Variants in CDH4 observed in about 807,000 individuals in gnomAD.
The protein encoded by CDH4 is cadherin-4.
A neutral mutation model predicts 86.0 loss-of-function variants in CDH4; 33 were observed. The ratio of observed to expected loss-of-function variants is 0.38; its 90% CI spans 0.29 to 0.51. CDH4 has a LOEUF of 0.51. CDH4 is among the 20% of genes least tolerant of loss of function. CDH4 has a pLI of 0.86. For missense variants in CDH4, 1,114 were observed against 1,307.4 expected (o/e 0.85, Z 2.28); for synonymous variants, 555 against 549.4 (o/e 1.01, Z -0.14).
At chr20:61,840,887 C>A (rs923512088) in intron 4 of CDH4, among the ~76,000 whole-genome samples, 5 of 152,176 alleles carry the variant, frequency 3.3e-5, no homozygotes, top group Non-Finnish European at 5.9e-5. Context: ...TCAGAGGCGG[C>A]CAAACGGGCC....
At chr20:61,443,816 CTG>C (rs948411019) in intron 2 of CDH4, among the ~76,000 whole-genome samples, 1 of 151,080 alleles carries the variant, frequency 6.6e-6, no homozygotes, top group African/African-American at 2.4e-5. Flanking sequence ...TGTGGTGTGT[CTG>C]TGTATCTGTC....
chr20:61,698,522 C>T (rs1600887133), intron 2 of CDH4, among the ~76,000 whole-genome samples: 2 of 152,268 alleles, frequency 1.3e-5, no homozygotes, highest in African/African-American at 4.8e-5. Context: ...GCACGGGGGA[C>T]GTGCCCTTGG....
chr20:61,513,107 G>A (rs185254476), intron 2 of CDH4, among the ~76,000 whole-genome samples: 1 of 152,256 alleles, frequency 6.6e-6, no homozygotes, highest in East Asian at 1.9e-4. Context: ...CCTACAGGTA[G>A]GCCGTCCATT....
intron 2 of CDH4, among the ~76,000 whole-genome samples, chr20:61,285,759 C>T (rs976254762): frequency 2.0e-5 from 3 of 152,270 alleles, no homozygotes; most frequent in Admixed American, 2.0e-4. Flanking sequence ...AAGGATTACT[C>T]TGCAGACATG....
At chr20:61,874,228 G>A (rs1983925061) in intron 7 of CDH4, among the ~76,000 whole-genome samples, 1 of 152,144 alleles carries the variant, frequency 6.6e-6, no homozygotes, top group Non-Finnish European at 1.5e-5. Context: ...TGCTCTGACA[G>A]CCCCTCTCAG....
chr20:61,575,226 C>T (rs1198228386), intron 2 of CDH4, among the ~76,000 whole-genome samples: 1 of 152,202 alleles, frequency 6.6e-6, no homozygotes, highest in East Asian at 1.9e-4. Context: ...TCTAGGTTGA[C>T]TCTTCAGTCA....
In CDH4 at chr20:61,940,587, CAGAG is replaced by C. The variant is rs2055252937; in HGVS notation, c.*3646_*3649del. On this transcript the variant is annotated 3_prime_UTR_variant, in exon 16 of 16. Transcript: ENST00000614565. Reference sequence around the variant, plus strand: ...CGCGGGCAGGCGGGGCGCGCTGCTCCAGAGAATGAATAAAGTCCCCCTTTTCCGT... The same window carrying C: ...CGCGGGCAGGCGGGGCGCGCTGCTCCAATGAATAAAGTCCCCCTTTTCCGT... 1 of 152,230 alleles carries C rather than the reference CAGAG, an allele frequency of 6.6e-6. No individual in the cohort carries two copies. Among genetic ancestry groups the C allele is most frequent in the Non-Finnish European group, 1.5e-5 (1 of 68,058 alleles). 9.4% of individuals were successfully genotyped at this position (152,230 alleles called of 1,614,324 possible).
intron 6 of CDH4, among the ~76,000 whole-genome samples, chr20:61,853,902 G>A (rs555598404): frequency 8.8e-4 from 134 of 152,294 alleles, no homozygotes; most frequent in Non-Finnish European, 1.5e-3. Flanking sequence ...GGTCACTGAG[G>A]AGACCTCTGC....
At chr20:61,409,383 C>T (rs2145488789) in intron 2 of CDH4, among the ~76,000 whole-genome samples, 1 of 152,346 alleles carries the variant, frequency 6.6e-6, no homozygotes, top group African/African-American at 2.4e-5. Context: ...GTGTTCTTTT[C>T]AGATAAATAT....
At position 61,935,448 on chromosome 20, in the gene CDH4, A is replaced by ATAATTAATTTAGAGCCCACTG. The variant is rs369981949; in HGVS notation, c.2544+1230_2544+1250dup. ...CCCAAACGTTTGCCCTGCCCAGTCTATAATTAATTTAGAGCCCACTGTTTG... is the reference window on the plus strand; with the variant it reads ...CCCAAACGTTTGCCCTGCCCAGTCTATAATTAATTTAGAGCCCACTGTAATTAATTTAGAGCCCACTGTTTG... On this transcript the variant is annotated intron_variant, in intron 15 of 15. Coordinates refer to ENST00000614565, the MANE Select transcript of CDH4 (RefSeq NM_001794.5). 2.2e-3 allele frequency among the ~76,000 whole-genome samples: 329 copies of ATAATTAATTTAGAGCCCACTG among 152,346 alleles called. 2 individuals are homozygous for ATAATTAATTTAGAGCCCACTG. Among genetic ancestry groups the ATAATTAATTTAGAGCCCACTG allele is most frequent in the African/African-American group, 7.6e-3 (314 of 41,560 alleles).
At chr20:61,416,883 C>T (rs375489162) in intron 2 of CDH4, among the ~76,000 whole-genome samples, 8 of 152,022 alleles carry the variant, frequency 5.3e-5, no homozygotes, top group South Asian at 2.1e-4. Flanking sequence ...GTGAAATCTT[C>T]GGACAGTTTT....
chr20:61,745,474 G>C (rs1206917575), intron 3 of CDH4, among the ~76,000 whole-genome samples: 3 of 152,208 alleles, frequency 2.0e-5, no homozygotes, highest in Non-Finnish European at 4.4e-5. Context: ...TGCATGATGA[G>C]CTGACCCCAC....
chr20:61,793,923 A>G (rs565008735), intron 4 of CDH4, among the ~76,000 whole-genome samples: 43 of 150,648 alleles, frequency 2.9e-4, no homozygotes, highest in African/African-American at 8.6e-4. Flanking sequence ...TAGATCACGA[A>G]GTCAGGAGAT....
At chr20:61,914,765 C>A (rs1483273047) in intron 9 of CDH4, among the ~76,000 whole-genome samples, 1 of 152,206 alleles carries the variant, frequency 6.6e-6, no homozygotes, top group Non-Finnish European at 1.5e-5. Flanking sequence ...TGAAAATCTG[C>A]AGATTTTCAG....
intron 2 of CDH4, among the ~76,000 whole-genome samples, chr20:61,380,729 G>A (rs4558658): frequency 0.25 from 37,696 of 152,072 alleles, 5,041 homozygotes; most frequent in African/African-American, 0.34. Context: ...ATGGCAGCCC[G>A]CATGGTTGTT....
intron 2 of CDH4, among the ~76,000 whole-genome samples, chr20:61,484,436 G>A (rs1473829896): frequency 6.6e-6 from 1 of 152,190 alleles, no homozygotes; most frequent in Admixed American, 6.5e-5. Context: ...GGCACGAGCT[G>A]CATCGCTGTT....
chr20:61,685,013 T>C (rs1455500612), intron 2 of CDH4, among the ~76,000 whole-genome samples: 2 of 152,196 alleles, frequency 1.3e-5, no homozygotes, highest in Admixed American at 1.3e-4. Context: ...AGAGCAACTG[T>C]TGCTGTCATC....
chr20:61,319,458 G>A (rs4560189), intron 2 of CDH4, among the ~76,000 whole-genome samples: 7 of 152,098 alleles, frequency 4.6e-5, no homozygotes, highest in Admixed American at 1.3e-4. Flanking sequence ...CAAGGCTTCC[G>A]TATCTTGGCT....
chr20:61,455,385 G>A (rs796686620), intron 2 of CDH4, among the ~76,000 whole-genome samples: 21 of 152,346 alleles, frequency 1.4e-4, no homozygotes, highest in African/African-American at 4.3e-4. Flanking sequence ...TCAAATCAGT[G>A]TGCCTGTGGG....
Sources: gnomAD v4.1 joint callset for allele counts (sites outside exome capture counted in the v4.1 genomes callset) on GRCh38, gnomAD v4.1.1 for gene constraint, MANE v1.5 for transcripts, NCBI Gene and HGNC (gene_info 2026-07-23, HGNC 2026-07-21) for gene names.